The following SASH1 variants were observed in gnomAD, a reference collection of about 807,000 sequenced individuals.
SASH1 encodes SAM and SH3 domain-containing protein 1.
SASH1 carries 44 observed loss-of-function variants against 125.2 expected under a neutral mutation model. The observed-to-expected ratio is 0.35, with a 90% confidence interval of 0.28 to 0.45. The LOEUF (loss-of-function observed/expected upper bound fraction) is 0.45. SASH1 is among the 20% of genes least tolerant of loss of function. SASH1 has a pLI of 1.00. For missense variants in SASH1, 1,426 were observed against 1,614.5 expected (o/e 0.88, Z 2.00); for synonymous variants, 639 against 649.1 (o/e 0.98, Z 0.24).
intron 4 of SASH1, among the ~76,000 whole-genome samples, chr6:148,455,968 A>G (rs1562426025): frequency 1.3e-5 from 2 of 151,928 alleles, no homozygotes; most frequent in Non-Finnish European, 2.9e-5. Flanking sequence ...GGCAGCTGGC[A>G]GAAGAAAAGC....
chr6:148,197,026 A>G, the SASH1 span, among the ~76,000 whole-genome samples: 3 of 152,224 alleles, frequency 2.0e-5, no homozygotes, highest in Non-Finnish European at 4.4e-5. Context: ...AATGGAGCAG[A>G]TCCTGGAGAG....
intron 1 of SASH1, among the ~76,000 whole-genome samples, chr6:148,311,670 A>G (rs1780335346): frequency 6.6e-6 from 1 of 151,974 alleles, no homozygotes; most frequent in Admixed American, 6.6e-5. Flanking sequence ...TGAATGTGGT[A>G]GCATGCACCT....
chr6:148,409,718 GAGGTC>G, intron 2 of SASH1, among the ~76,000 whole-genome samples: 1 of 152,184 alleles, frequency 6.6e-6, no homozygotes, highest in Non-Finnish European at 1.5e-5. Context: ...GGCGGATCAT[GAGGTC>G]AGGAGTTCGA....
intron 4 of SASH1, among the ~76,000 whole-genome samples, chr6:148,462,463 G>A (rs1314878336): frequency 6.6e-6 from 1 of 152,128 alleles, no homozygotes; most frequent in East Asian, 1.9e-4. Context: ...TTGTCTGGAT[G>A]TAGCTTAGAC....
chr6:148,496,245 C>T (rs1243893374), intron 8 of SASH1, among the ~76,000 whole-genome samples: 2 of 152,112 alleles, frequency 1.3e-5, no homozygotes, highest in Non-Finnish European at 2.9e-5. Flanking sequence ...CATCTCTTTT[C>T]CTAAGGGATC....
At chr6:148,305,374 G>C (rs1396253193) in intron 1 of SASH1, among the ~76,000 whole-genome samples, 1 of 151,306 alleles carries the variant, frequency 6.6e-6, no homozygotes, top group Admixed American at 6.7e-5. Flanking sequence ...TCGGGAAACC[G>C]AGGCGGGGGG....
chr6:148,295,743 C>T (rs74343553), intron 1 of SASH1, among the ~76,000 whole-genome samples: 5 of 152,272 alleles, frequency 3.3e-5, no homozygotes, highest in African/African-American at 4.8e-5. Flanking sequence ...GGCTGAAGAA[C>T]GGTGCAGAAT....
the SASH1 span, among the ~76,000 whole-genome samples, chr6:148,259,173 TC>T: frequency 6.6e-6 from 1 of 152,170 alleles, no homozygotes; most frequent in African/African-American, 2.4e-5. Context: ...CACCTCCTGT[TC>T]CAGGAGAGCT....
chr6:148,546,114 G>C lies in SASH1; in HGVS notation c.3448G>C (p.Val1150Leu). 6.2e-7 allele frequency: 1 copy of C among 1,614,246 alleles called. No individual in the cohort carries two copies. Among genetic ancestry groups the C allele is most frequent in the Non-Finnish European group, 8.5e-7 (1 of 1,180,038 alleles). Residue 1150 changes from valine to leucine, a missense_variant, in exon 19 of 20, where the codon GTG (valine) becomes CTG (leucine). Transcript: ENST00000367467. Reference protein sequence around the residue: ...DVAANMDQIRVKQLRKQHRMA... With the variant: ...DVAANMDQIRLKQLRKQHRMA... ...CGCCGCCAACATGGACCAGATCCGGGTGAAGCAGCTTCGGAAGCAGCACCG... is the reference window on the plus strand; with the variant it reads ...CGCCGCCAACATGGACCAGATCCGGCTGAAGCAGCTTCGGAAGCAGCACCG...
intron 1 of SASH1, among the ~76,000 whole-genome samples, chr6:148,297,601 G>A (rs1177844166): frequency 6.6e-6 from 1 of 152,202 alleles, no homozygotes; most frequent in East Asian, 1.9e-4. Flanking sequence ...GCCAAGGCAG[G>A]TGGATTGCCT....
At chr6:148,540,786 G>T (rs1429881142) in intron 17 of SASH1, among the ~76,000 whole-genome samples, 1 of 152,080 alleles carries the variant, frequency 6.6e-6, no homozygotes, top group Admixed American at 6.6e-5. Flanking sequence ...CCTAAATTGT[G>T]TGTCTCCTAT....
chr6:148,301,132 G>C (rs1022773646), intron 1 of SASH1, among the ~76,000 whole-genome samples: 1 of 151,692 alleles, frequency 6.6e-6, no homozygotes, highest in Non-Finnish European at 1.5e-5. Context: ...TTCGAGTCCA[G>C]CCTGACCAAC....
chr6:148,249,000 G>A, the SASH1 span, among the ~76,000 whole-genome samples: 1 of 152,072 alleles, frequency 6.6e-6, no homozygotes, highest in Non-Finnish European at 1.5e-5. Flanking sequence ...ATAGTGTGTG[G>A]TTCCTAGAAA....
Position 148,393,649 on chromosome 6 carries a change from C to T in SASH1, c.285+3387C>T, listed in dbSNP as rs1365521817. 3 of 941,110 alleles carry T rather than the reference C, an allele frequency of 3.2e-6. No homozygotes were observed. The East Asian group carries it at 3.5e-4, about 109-fold the overall frequency. The allele number at this position is 941,110 out of a possible 1,614,324, so 58.3% of individuals were successfully genotyped here. ...TTTATTATTTAGATAATAAAACCTC[C>T]TTCTCATTCAAACAGATGGGGCTAA... On this transcript the variant is annotated intron_variant, in intron 2 of 19. Coordinates refer to ENST00000367467, the MANE Select transcript of SASH1 (RefSeq NM_015278.5).
chr6:148,378,834 C>T (rs959686571), intron 1 of SASH1, among the ~76,000 whole-genome samples: 1 of 152,178 alleles, frequency 6.6e-6, no homozygotes, highest in Non-Finnish European at 1.5e-5. Context: ...AGGCAGACAC[C>T]ATGCTAATGG....
At chr6:148,221,893 T>C in the SASH1 span, among the ~76,000 whole-genome samples, 1 of 152,240 alleles carries the variant, frequency 6.6e-6, no homozygotes, top group African/African-American at 2.4e-5. Flanking sequence ...CTTAGCCTGT[T>C]CTTTACTTCT....
Position 148,449,078 on chromosome 6 carries a change from C to CTTTTTTTTTTTTTTTT in SASH1, c.386+8686_386+8687insTTTTTTTTTTTTTTTT. ...GAGACTGGCTAATTTCATTTCATTT[C>CTTTTTTTTTTTTTTTT]TTTTTTTTTTTTTTTGGAGACAGAG... is the stretch of plus-strand genomic sequence containing the variant. On this transcript the variant is annotated intron_variant, in intron 4 of 19. Transcript: ENST00000367467. Among the ~76,000 whole-genome samples, 50 of 88,674 alleles carry CTTTTTTTTTTTTTTTT rather than the reference C, an allele frequency of 5.6e-4. 1 individual carries two copies. Among genetic ancestry groups the CTTTTTTTTTTTTTTTT allele is most frequent in the African/African-American group, 9.9e-4 (23 of 23,196 alleles). 58.2% of individuals were successfully genotyped at this position (88,674 alleles called of 152,430 possible).
intron 1 of SASH1, among the ~76,000 whole-genome samples, chr6:148,305,959 G>A (rs1298668177): frequency 1.3e-5 from 2 of 152,200 alleles, no homozygotes; most frequent in Non-Finnish European, 2.9e-5. Flanking sequence ...AGTGCTTGAG[G>A]TGATGAGCCC....
At chr6:148,391,322 C>T (rs1373401049) in intron 2 of SASH1, among the ~76,000 whole-genome samples, 1 of 151,428 alleles carries the variant, frequency 6.6e-6, no homozygotes, top group Non-Finnish European at 1.5e-5. Context: ...TTGGTCAGGC[C>T]GATCTTGAAC....
Sources: gnomAD v4.1 joint callset for allele counts (sites outside exome capture counted in the v4.1 genomes callset) on GRCh38, gnomAD v4.1.1 for gene constraint, MANE v1.5 for transcripts, NCBI Gene and HGNC (gene_info 2026-07-23, HGNC 2026-07-21) for gene names.